The following RNF128 variants were observed in gnomAD, a reference collection of about 807,000 sequenced individuals.
RNF128 encodes the protein ring finger protein 128.
In RNF128, 13 loss-of-function variants were observed where a neutral mutation model predicts 26.2. That is an observed-to-expected ratio of 0.50 (90% CI 0.32 to 0.79). RNF128 has a LOEUF of 0.79. RNF128 is among the 30% of genes least tolerant of loss of function. RNF128 has a pLI of 0.03. For missense variants in RNF128, 315 were observed against 349.7 expected, an observed-to-expected ratio of 0.90 and a Z score of 0.79; for synonymous variants, 149 against 142.5, an observed-to-expected ratio of 1.05 and a Z score of -0.32.
chrX:106,755,800 T>G (rs1198042993), intron 1 of RNF128, among the ~76,000 whole-genome samples: 1 of 111,034 alleles, frequency 9.0e-6, no homozygotes, highest in Non-Finnish European at 1.9e-5. Context: ...AAATTGTCCC[T>G]GTTTGCAGAT....
chrX:106,715,486 AT>A (rs962318093), intron 1 of RNF128, among the ~76,000 whole-genome samples: 2 of 111,586 alleles, frequency 1.8e-5, no homozygotes, highest in Admixed American at 9.5e-5. Flanking sequence ...TTCAATGGGG[AT>A]TTTTTTTAAT....
Position 106,796,259 on chromosome X carries a change from C to T in RNF128, c.*546C>T, listed in dbSNP as rs1447389183. 8.9e-6 allele frequency: 1 copy of T among 111,852 alleles called. No homozygotes were observed. Among genetic ancestry groups the T allele is most frequent in the Non-Finnish European group, 1.9e-5 (1 of 52,915 alleles). 9.2% of individuals were successfully genotyped at this position (111,852 alleles called of 1,213,427 possible). ...AGCAAAATATTCATTTTTACTTTTT[C>T]TTATTTTTAAAATTAGGCTGAATGT... On this transcript the variant is annotated 3_prime_UTR_variant, in exon 7 of 7. Transcript: ENST00000255499.
chrX:106,735,936 C>T lies in RNF128; in HGVS notation c.484+8539C>T, dbSNP rs1602372734. 3.6e-5 allele frequency among the ~76,000 whole-genome samples: 4 copies of T among 110,449 alleles called. No individual in the cohort carries two copies. In the South Asian group the frequency reaches 1.6e-3, roughly 43 times the overall value. ...ACACACACACACATAAAAAAATGCA[C>T]ATTCCATGCCTTTCTTTGTATTTTT... On this transcript the variant is annotated intron_variant, in intron 1 of 6. Coordinates refer to ENST00000255499, the MANE Select transcript of RNF128 (RefSeq NM_194463.2).
chrX:106,743,691 A>G (rs1929741145), intron 1 of RNF128, among the ~76,000 whole-genome samples: 1 of 112,143 alleles, frequency 8.9e-6, no homozygotes, highest in South Asian at 3.7e-4. Flanking sequence ...CAGTTTTCCA[A>G]TTGCATATCT....
At chrX:106,704,431 CAGA>C (rs1929013054) in intron 1 of RNF128, among the ~76,000 whole-genome samples, 1 of 26,658 alleles carries the variant, frequency 3.8e-5, no homozygotes, top group African/African-American at 1.5e-4. Context: ...GACTCTGTCT[CAGA>C]AAAAAAAAAA....
chrX:106,739,359 A>G (rs1437968527), intron 1 of RNF128, among the ~76,000 whole-genome samples: 1 of 110,511 alleles, frequency 9.0e-6, no homozygotes, highest in Non-Finnish European at 1.9e-5. Flanking sequence ...GGGTTTCACC[A>G]TGTTGGCCAG....
chrX:106,787,320 T>G (rs1330762055), intron 3 of RNF128, among the ~76,000 whole-genome samples: 2 of 111,370 alleles, frequency 1.8e-5, no homozygotes, highest in African/African-American at 6.5e-5. Flanking sequence ...TCAAATGCAT[T>G]ATACTAAGTT....
intron 1 of RNF128, among the ~76,000 whole-genome samples, chrX:106,756,711 G>A (rs1387452750): frequency 9.2e-6 from 1 of 109,156 alleles, no homozygotes; most frequent in Non-Finnish European, 1.9e-5. Context: ...CAAAAGCAAT[G>A]GCAACAAAAG....
At chrX:106,695,053 T>A (rs1928853941) in intron 1 of RNF128, among the ~76,000 whole-genome samples, 1 of 111,482 alleles carries the variant, frequency 9.0e-6, no homozygotes, top group African/African-American at 3.3e-5. Context: ...CTTAAGTAAA[T>A]AGAAACTTCT....
At chrX:106,784,361 A>G (rs879145373) in intron 2 of RNF128, among the ~76,000 whole-genome samples, 1 of 111,311 alleles carries the variant, frequency 9.0e-6, no homozygotes, top group Non-Finnish European at 1.9e-5. Flanking sequence ...TTCTGACTCA[A>G]TTATGCATAA....
chrX:106,749,973 T>G (rs979463994), intron 1 of RNF128, among the ~76,000 whole-genome samples: 1 of 112,238 alleles, frequency 8.9e-6, no homozygotes, highest in Non-Finnish European at 1.9e-5. Context: ...GTTACAGATT[T>G]TGAATTGTAT....
At chrX:106,778,851 TTATC>T (rs1394297703) in intron 2 of RNF128, among the ~76,000 whole-genome samples, 1 of 112,199 alleles carries the variant, frequency 8.9e-6, no homozygotes, top group African/African-American at 3.2e-5. Flanking sequence ...TTACTAAAAA[TTATC>T]TAAACTATTT....
At chrX:106,707,115 T>A (rs1569435034) in intron 1 of RNF128, among the ~76,000 whole-genome samples, 1 of 111,543 alleles carries the variant, frequency 9.0e-6, no homozygotes, top group South Asian at 3.7e-4. Context: ...TTTGTATAAT[T>A]CCTGAATTCC....
At chrX:106,775,705 A>G (rs1301536211) in intron 2 of RNF128, among the ~76,000 whole-genome samples, 2 of 112,076 alleles carry the variant, frequency 1.8e-5, no homozygotes, top group Non-Finnish European at 1.9e-5. Context: ...TTAATTTTTA[A>G]AAGGTAGAGC....
intron 2 of RNF128, among the ~76,000 whole-genome samples, chrX:106,779,348 C>CGTGTGTGTGTGTGT (rs372716238): frequency 2.9e-4 from 26 of 90,116 alleles, no homozygotes; most frequent in African/African-American, 9.1e-4. Flanking sequence ...TACACAGTTA[C>CGTGTGTGTGTGTGT]GTGTGTGTGT....
intron 1 of RNF128, among the ~76,000 whole-genome samples, chrX:106,755,636 A>G (rs1437881916): frequency 8.9e-6 from 1 of 111,806 alleles, no homozygotes; most frequent in Non-Finnish European, 1.9e-5. Flanking sequence ...CCTACATCCT[A>G]TCAACACAAT....
chrX:106,795,760 C>T lies in RNF128; in HGVS notation c.*47C>T. On this transcript the variant is annotated 3_prime_UTR_variant, in exon 7 of 7. Transcript: ENST00000255499. ...TGAACCATTAGTAATAACAGAACTG[C>T]CAATCAGGGCCTAGTTTCTATTAAT... 3.0e-6 allele frequency: 3 copies of T among 1,006,532 alleles called. No homozygotes were observed. Among genetic ancestry groups the T allele is most frequent in the Non-Finnish European group, 4.0e-6 (3 of 743,478 alleles). 82.9% of individuals were successfully genotyped at this position (1,006,532 alleles called of 1,213,427 possible).
chrX:106,705,402 A>G (rs1422634228), intron 1 of RNF128, among the ~76,000 whole-genome samples: 1 of 112,373 alleles, frequency 8.9e-6, no homozygotes, highest in East Asian at 2.8e-4. Context: ...AAAAACTGGT[A>G]GAAACTTAGT....
intron 1 of RNF128, among the ~76,000 whole-genome samples, chrX:106,762,565 C>T (rs1930138884): frequency 9.0e-6 from 1 of 111,034 alleles, no homozygotes; most frequent in African/African-American, 3.3e-5. Flanking sequence ...CGCCCCCCAT[C>T]GGCCTCCCAA....
Sources: gnomAD v4.1 joint callset for allele counts (sites outside exome capture counted in the v4.1 genomes callset) on GRCh38, gnomAD v4.1.1 for gene constraint, MANE v1.5 for transcripts, NCBI Gene and HGNC (gene_info 2026-07-23, HGNC 2026-07-21) for gene names.